RBMS3: variants seen among roughly 807,000 people sequenced by gnomAD.
The protein encoded by RBMS3 is RNA-binding motif, single-stranded-interacting protein 3.
Under a neutral mutation model 66.8 loss-of-function variants are expected in RBMS3, and 27 were observed. The observed-to-expected ratio is 0.40, with a 90% CI of 0.30 to 0.56. The LOEUF is 0.56. Ranked by LOEUF, RBMS3 falls within the 20% of genes least tolerant of loss-of-function variation. The pLI, the probability that RBMS3 is intolerant of heterozygous loss-of-function variation, is 0.40. For synonymous variants in RBMS3, 188 were observed against 183.0 expected, an observed-to-expected ratio of 1.03 and a Z score of -0.22; for missense variants, 513 against 549.5, an observed-to-expected ratio of 0.93 and a Z score of 0.66.
chr3:29,344,920 T>C (rs1040771350), intron 1 of RBMS3, among the ~76,000 whole-genome samples: 3 of 152,156 alleles, frequency 2.0e-5, no homozygotes, highest in Non-Finnish European at 2.9e-5. Context: ...CCCCTTTAAC[T>C]CAAGCCCAGG....
intron 1 of RBMS3, among the ~76,000 whole-genome samples, chr3:29,418,144 T>A (rs1261695147): frequency 1.3e-5 from 2 of 152,160 alleles, no homozygotes; most frequent in African/African-American, 4.8e-5. Context: ...ACTTTCACTT[T>A]CTTCCCATTC....
intron 2 of RBMS3, 89 bp downstream of exon 2, chr3:29,435,004 C>A: frequency 1.5e-6 from 2 of 1,299,062 alleles, no homozygotes; most frequent in Non-Finnish European, 2.1e-6. Context: ...TGTACTCATC[C>A]ACTGGTGTCT....
intron 5 of RBMS3, among the ~76,000 whole-genome samples, chr3:29,754,560 G>C (rs1263288458): frequency 6.6e-6 from 1 of 152,172 alleles, no homozygotes; most frequent in Non-Finnish European, 1.5e-5. Flanking sequence ...GACTCCAGCT[G>C]TCAGCAAAGC....
chr3:29,665,790 G>T (rs1241520812), intron 4 of RBMS3, among the ~76,000 whole-genome samples: 1 of 152,048 alleles, frequency 6.6e-6, no homozygotes, highest in Non-Finnish European at 1.5e-5. Context: ...ACTTGCATCT[G>T]GTACAGAGGT....
intron 1 of RBMS3, among the ~76,000 whole-genome samples, chr3:29,378,969 G>A (rs1019889573): frequency 2.0e-5 from 3 of 152,192 alleles, no homozygotes; most frequent in Admixed American, 6.5e-5. Context: ...CAAGTCTGCT[G>A]ACTTAACTTT....
intron 12 of RBMS3, among the ~76,000 whole-genome samples, chr3:29,945,736 C>T (rs978815867): frequency 2.6e-5 from 4 of 151,670 alleles, no homozygotes; most frequent in Non-Finnish European, 4.4e-5. Context: ...AAGTACTTAT[C>T]AGATATCAGT....
At chr3:30,001,051 A>G (rs1699587490) in intron 14 of RBMS3, among the ~76,000 whole-genome samples, 1 of 152,114 alleles carries the variant, frequency 6.6e-6, no homozygotes, top group African/African-American at 2.4e-5. Context: ...AAAAAAGAAA[A>G]GAAAAATTAA....
intron 4 of RBMS3, among the ~76,000 whole-genome samples, chr3:29,650,904 T>G (rs754190926): frequency 2.7e-4 from 41 of 152,228 alleles, no homozygotes; most frequent in Non-Finnish European, 5.3e-4. Context: ...TATCATGTTG[T>G]GTTTAGGAAT....
chr3:29,828,992 TTCTTTCTTTCTTTC>T (rs1236404913), intron 6 of RBMS3, among the ~76,000 whole-genome samples: 1 of 54,376 alleles, frequency 1.8e-5, no homozygotes, highest in Non-Finnish European at 4.1e-5. Flanking sequence ...CTTTCTTTCT[TTCTTTCTTTCTTTC>T]TTTCTTTCTT....
At chr3:29,321,059 C>T (rs2034979138) in intron 1 of RBMS3, among the ~76,000 whole-genome samples, 3 of 151,982 alleles carry the variant, frequency 2.0e-5, no homozygotes, top group Non-Finnish European at 4.4e-5. Context: ...TACCAAATGA[C>T]CCATACATCA....
At chr3:29,507,726 G>A (rs1340783493) in intron 3 of RBMS3, among the ~76,000 whole-genome samples, 1 of 151,838 alleles carries the variant, frequency 6.6e-6, no homozygotes, top group Non-Finnish European at 1.5e-5. Context: ...CCCTTGAAAA[G>A]GTAGCAAAAA....
At chr3:29,942,073 T>C (rs2061405371) in intron 11 of RBMS3, among the ~76,000 whole-genome samples, 1 of 151,810 alleles carries the variant, frequency 6.6e-6, no homozygotes, top group South Asian at 2.1e-4. Context: ...TAATTATACC[T>C]CAAAAATATT....
Position 29,895,032 on chromosome 3 carries a change from C to A in RBMS3, c.792-2347C>A, listed in dbSNP as rs2060093672. Among the ~76,000 whole-genome samples the A allele has an allele frequency of 2.6e-5, 4 of 151,410 alleles. No homozygotes were observed. In the South Asian group the frequency reaches 8.3e-4, roughly 31 times the overall value. ...ACAGTATCACAGAAGTAGGCAATAG[C>A]CTGATTGTGCTAGCCAGTGCAAAGA... is the stretch of plus-strand genomic sequence containing the variant. On this transcript the variant is annotated intron_variant, in intron 8 of 14. Transcript: ENST00000383767.
chr3:29,293,410 G>A (rs2032982990), intron 1 of RBMS3, among the ~76,000 whole-genome samples: 1 of 151,732 alleles, frequency 6.6e-6, no homozygotes, highest in Non-Finnish European at 1.5e-5. Context: ...CCACTAATGT[G>A]CCTGAGGACC....
intron 3 of RBMS3, chr3:29,526,443 C>A (rs1009743792): frequency 7.3e-6 from 1 of 136,690 alleles, no homozygotes; most frequent in Non-Finnish European, 1.5e-5. Context: ...ATGGCGTGAA[C>A]CCGGGAGGCA....
intron 1 of RBMS3, among the ~76,000 whole-genome samples, chr3:29,287,473 A>G (rs2032450206): frequency 6.6e-6 from 1 of 152,090 alleles, no homozygotes; most frequent in Non-Finnish European, 1.5e-5. Context: ...CAACTTACAG[A>G]TGGCAAAATA....
chr3:29,873,738 C>T (rs531345600), intron 7 of RBMS3, among the ~76,000 whole-genome samples: 13 of 152,154 alleles, frequency 8.5e-5, no homozygotes, highest in Non-Finnish European at 1.6e-4. Flanking sequence ...ATAAATGGCT[C>T]TTATTATTTT....
intron 1 of RBMS3, among the ~76,000 whole-genome samples, chr3:29,400,363 A>G (rs1049010720): frequency 1.3e-5 from 2 of 152,074 alleles, no homozygotes; most frequent in Non-Finnish European, 2.9e-5. Flanking sequence ...TGAGATGGCT[A>G]GAGTAGTCAA....
intron 3 of RBMS3, among the ~76,000 whole-genome samples, chr3:29,564,734 G>A (rs1049297337): frequency 6.6e-6 from 1 of 152,036 alleles, no homozygotes; most frequent in African/African-American, 2.4e-5. Flanking sequence ...AAACTTCGTG[G>A]GAGAAGAGTT....
Sources: allele counts gnomAD v4.1 joint callset (sites outside exome capture counted in the v4.1 genomes callset), GRCh38; gene constraint gnomAD v4.1.1; transcripts MANE v1.5; gene names NCBI Gene and HGNC (gene_info 2026-07-23, HGNC 2026-07-21).